Variants in ZNF407 observed in about 807,000 individuals in gnomAD.
ZNF407 encodes zinc finger protein 407.
In ZNF407, 17 loss-of-function variants were observed where a neutral mutation model predicts 131.2. The observed-to-expected ratio is 0.13, with a 90% CI of 0.09 to 0.19. The LOEUF (loss-of-function observed/expected upper bound fraction) is 0.19, where lower values mean the gene tolerates loss of function less well. Ranked by LOEUF, ZNF407 falls within the 10% of genes least tolerant of loss-of-function variation. ZNF407 has a pLI of 1.00. For missense variants in ZNF407, 2,681 were observed against 2,830.6 expected (o/e 0.95, Z 1.20); for synonymous variants, 1,156 against 1,062.0 (o/e 1.09, Z -1.72).
chr18:74,641,183 G>C, intron 3 of ZNF407, 61 bp downstream of exon 3: 1 of 1,388,498 alleles, frequency 7.2e-7, no homozygotes, highest in Admixed American at 1.7e-5. Context: ...GATAGCCATT[G>C]TTTCGGAATT....
At chr18:74,845,076 C>G (rs1404380833) in intron 4 of ZNF407, among the ~76,000 whole-genome samples, 3 of 152,224 alleles carry the variant, frequency 2.0e-5, no homozygotes, top group Non-Finnish European at 4.4e-5. Flanking sequence ...CTGCTGCCTT[C>G]AGGGTGCCCG....
At chr18:74,771,604 C>T (rs1010177352) in intron 3 of ZNF407, among the ~76,000 whole-genome samples, 4 of 151,294 alleles carry the variant, frequency 2.6e-5, no homozygotes, top group Non-Finnish European at 4.4e-5. Context: ...ATAGTATGCC[C>T]CAGGTTTCTG....
At chr18:74,729,505 G>T (rs1179900071) in intron 3 of ZNF407, among the ~76,000 whole-genome samples, 5 of 150,450 alleles carry the variant, frequency 3.3e-5, no homozygotes, top group Admixed American at 2.0e-4. Flanking sequence ...GTGTGTGTGT[G>T]TTTTTTTTTG....
intron 8 of ZNF407, among the ~76,000 whole-genome samples, chr18:75,013,372 TA>T (rs1973005860): frequency 6.6e-6 from 1 of 152,140 alleles, no homozygotes; most frequent in African/African-American, 2.4e-5. Flanking sequence ...TTTGCACTTT[TA>T]ATGACAAAAT....
intron 3 of ZNF407, among the ~76,000 whole-genome samples, chr18:74,710,107 A>G (rs185321250): frequency 6.6e-4 from 101 of 152,328 alleles, no homozygotes; most frequent in Middle Eastern, 3.4e-3. Context: ...GGCATTTCAG[A>G]AGTCTTTTTA....
chr18:74,728,688 C>G (rs542691236), intron 3 of ZNF407, among the ~76,000 whole-genome samples: 111 of 152,186 alleles, frequency 7.3e-4, no homozygotes, highest in Non-Finnish European at 1.4e-3. Context: ...CCTGAAAGGC[C>G]TGTGTGCTTC....
At chr18:74,883,286 T>C (rs1971262975) in intron 6 of ZNF407, among the ~76,000 whole-genome samples, 1 of 152,212 alleles carries the variant, frequency 6.6e-6, no homozygotes. Context: ...CACAACTCAG[T>C]CTGGGCACTT....
At chr18:74,782,726 C>G (rs1201828111) in intron 4 of ZNF407, among the ~76,000 whole-genome samples, 8 of 152,088 alleles carry the variant, frequency 5.3e-5, no homozygotes, top group Admixed American at 5.2e-4. Flanking sequence ...TCACACCATT[C>G]TCCTGCCTCA....
chr18:75,063,316 G>T lies in ZNF407; in HGVS notation c.5595G>T (p.Gln1865His). Residue 1865 changes from glutamine to histidine, a missense_variant, in exon 9 of 9, where the codon CAG (glutamine) becomes CAT (histidine). Physicochemically the swap from Gln to His is conservative, Grantham distance 24. This residue lies in a region of ZNF407 where 620 missense variants were observed against 583.1 expected (regional missense o/e 1.06). Transcript: ENST00000299687. The surrounding 1 kb of genome is among the most constrained non-coding windows in gnomAD (Gnocchi z 6.6). ...CGCCGCCCCCTGAGCAGGTGCAGCA[G>T]GTCATCATCTTCCAGGGCTACGACG... is the stretch of plus-strand genomic sequence containing the variant. ...RPAPPPEQVQ[Q>H]VIIFQGYDGE... The T allele has an allele frequency of 6.2e-7, 1 of 1,613,642 alleles. No individual in the cohort carries two copies. Among genetic ancestry groups the T allele is most frequent in the Non-Finnish European group, 8.5e-7 (1 of 1,179,854 alleles).
In ZNF407 at chr18:74,866,731, C is replaced by G. The variant is rs1051980625; in HGVS notation, c.4878-10466C>G. Among the ~76,000 whole-genome samples, 68 of 149,150 alleles carry G rather than the reference C, an allele frequency of 4.6e-4. 1 individual carries two copies. The highest frequency in any genetic ancestry group is 1.6e-3 in the African/African-American group (65 of 40,844). On this transcript the variant is annotated intron_variant, in intron 4 of 8. Coordinates refer to ENST00000299687, the MANE Select transcript of ZNF407 (RefSeq NM_017757.3). ...TATTTGTATGGAATTTCCACTTGTT[C>G]GGTAGAAATATTATTTTATTCATTG...
At chr18:75,012,582 A>G (rs1384398245) in intron 8 of ZNF407, among the ~76,000 whole-genome samples, 3 of 152,172 alleles carry the variant, frequency 2.0e-5, no homozygotes, top group Non-Finnish European at 4.4e-5. Flanking sequence ...AATCTGAATT[A>G]GACTAGCAAT....
chr18:74,779,421 A>G (rs1009009480), intron 3 of ZNF407, among the ~76,000 whole-genome samples: 12 of 151,950 alleles, frequency 7.9e-5, no homozygotes, highest in South Asian at 4.2e-4. Context: ...GTCAGCTTAT[A>G]TATTTTTTTA....
chr18:74,962,560 A>G (rs914184724), intron 8 of ZNF407, among the ~76,000 whole-genome samples: 2 of 152,138 alleles, frequency 1.3e-5, no homozygotes, highest in Admixed American at 6.5e-5. Context: ...ATTCCTCTTC[A>G]TTCCTTCCCA....
intron 4 of ZNF407, among the ~76,000 whole-genome samples, chr18:74,831,926 C>A (rs916728084): frequency 1.3e-5 from 2 of 152,220 alleles, no homozygotes; most frequent in African/African-American, 4.8e-5. Context: ...TGCCACCTGC[C>A]CTGATCCTGT....
chr18:74,894,885 A>G (rs1049358881), intron 7 of ZNF407, among the ~76,000 whole-genome samples: 2 of 152,146 alleles, frequency 1.3e-5, no homozygotes, highest in African/African-American at 4.8e-5. Context: ...CCTTCAGACT[A>G]GTTTTGGCCA....
At chr18:74,807,174 A>G (rs1970122540) in intron 4 of ZNF407, among the ~76,000 whole-genome samples, 1 of 152,208 alleles carries the variant, frequency 6.6e-6, no homozygotes, top group Non-Finnish European at 1.5e-5. Flanking sequence ...AAGTAATGCA[A>G]AGAGAGTCCC....
intron 4 of ZNF407, among the ~76,000 whole-genome samples, chr18:74,819,292 A>G (rs1970309052): frequency 6.6e-6 from 1 of 152,162 alleles, no homozygotes; most frequent in African/African-American, 2.4e-5. Flanking sequence ...GCCCTTCCCT[A>G]CATAATTTTT....
intron 8 of ZNF407, among the ~76,000 whole-genome samples, chr18:75,004,314 T>A (rs891153969): frequency 1.6e-4 from 24 of 152,230 alleles, no homozygotes; most frequent in African/African-American, 5.8e-4. Context: ...GAGACTGGGT[T>A]CCATTGCCCA....
intron 8 of ZNF407, among the ~76,000 whole-genome samples, chr18:75,022,939 A>G (rs1426276254): frequency 3.9e-5 from 6 of 152,222 alleles, no homozygotes; most frequent in Non-Finnish European, 8.8e-5. Flanking sequence ...CCAGATGCTC[A>G]TCAGTGATAG....
Sources: allele counts gnomAD v4.1 joint callset (sites outside exome capture counted in the v4.1 genomes callset), GRCh38; gene constraint gnomAD v4.1.1; regional missense constraint gnomAD v4.1.1; non-coding constraint Gnocchi (gnomAD v3.1); transcripts MANE v1.5; gene names NCBI Gene and HGNC (gene_info 2026-07-23, HGNC 2026-07-21).